Variants in PTPN1 observed in about 807,000 individuals in gnomAD.
PTPN1 encodes the protein protein tyrosine phosphatase non-receptor type 1, also known as tyrosine-protein phosphatase non-receptor type 1.
Under a neutral mutation model 59.9 loss-of-function variants are expected in PTPN1, and 12 were observed. The ratio of observed to expected loss-of-function variants is 0.20; its 90% CI spans 0.13 to 0.32. PTPN1 has a LOEUF of 0.32. Ranked by LOEUF, PTPN1 falls within the 10% of genes least tolerant of loss-of-function variation. The probability of loss-of-function intolerance (pLI) is 1.00; values close to 1 mark genes in which losing one functional copy is unlikely to be tolerated. For synonymous variants in PTPN1, 178 were observed against 203.6 expected, an observed-to-expected ratio of 0.87 and a Z score of 1.07; for missense variants, 356 against 549.2, an observed-to-expected ratio of 0.65 and a Z score of 3.52.
intron 1 of PTPN1, among the ~76,000 whole-genome samples, chr20:50,539,039 T>TC (rs2082636763): frequency 6.8e-6 from 1 of 146,650 alleles, no homozygotes; most frequent in Admixed American, 6.8e-5. Flanking sequence ...TTTTTTTTTT[T>TC]TTTTTTTTTT....
rs1242137245 is a variant in PTPN1 at position 50,579,196 on chromosome 20, T to C, written c.731T>C (p.Val244Ala). 6.2e-7 allele frequency: 1 copy of C among 1,614,264 alleles called. No homozygotes were observed. The highest frequency in any genetic ancestry group is 8.5e-7 in the Non-Finnish European group (1 of 1,180,048). ...LMDKRKDPSS[V>A]DIKKVLLEMR... ...GACAAGAGGAAAGACCCTTCTTCCG[T>C]TGATATCAAGAAAGTGCTGTTAGAA... Residue 244 changes from valine to alanine, a missense_variant, in exon 7 of 10, where the codon GTT becomes GCT. Val to Ala is a moderately conservative substitution (Grantham distance 64, BLOSUM62 0). Transcript: ENST00000371621.
chr20:50,561,681 C>A (rs943667451), intron 2 of PTPN1, among the ~76,000 whole-genome samples: 4 of 152,180 alleles, frequency 2.6e-5, no homozygotes, highest in Non-Finnish European at 5.9e-5. Context: ...CAGTGAAGTT[C>A]AAAGCACTTT....
intron 1 of PTPN1, among the ~76,000 whole-genome samples, chr20:50,538,000 GA>G (rs1388621524): frequency 6.6e-6 from 1 of 152,142 alleles, no homozygotes; most frequent in African/African-American, 2.4e-5. Flanking sequence ...ATCTTGAGTG[GA>G]TGTTGTTCTC....
At chr20:50,579,467 A>T in intron 7 of PTPN1, 138 bp downstream of exon 7, 4 of 1,143,084 alleles carry the variant, frequency 3.5e-6, no homozygotes, top group Non-Finnish European at 5.0e-6. Flanking sequence ...AATAGCTAGA[A>T]AGTTGTCAAA....
chr20:50,553,703 A>G (rs1371623071), intron 1 of PTPN1, among the ~76,000 whole-genome samples: 2 of 152,244 alleles, frequency 1.3e-5, no homozygotes, highest in African/African-American at 4.8e-5. Context: ...CAGAAATGAC[A>G]GATGATAAAT....
Position 50,579,915 on chromosome 20 carries a change from C to T in PTPN1, c.1077C>T (p.Tyr359=), listed in dbSNP as rs200012123. Reference sequence around the variant, plus strand: ...GAAGCCCCTTAAATGCCGCACCCTACGGCATCGAAAGGTAATATGATTGGG... The same window carrying T: ...GAAGCCCCTTAAATGCCGCACCCTATGGCATCGAAAGGTAATATGATTGGG... ...EKGSPLNAAP[Y]GIESMSQDTE... Residue 359 remains tyrosine, a synonymous_variant, in exon 8 of 10, where the codon TAC becomes TAT. Transcript: ENST00000371621. The T allele has an allele frequency of 3.2e-5, 51 of 1,613,650 alleles. No individual in the cohort carries two copies. The highest frequency in any genetic ancestry group is 3.3e-4 in the Middle Eastern group (2 of 6,052).
chr20:50,580,668 T>G (rs116394189), intron 8 of PTPN1, among the ~76,000 whole-genome samples: 245 of 152,258 alleles, frequency 1.6e-3, no homozygotes, highest in African/African-American at 5.7e-3. Flanking sequence ...TTTTAAGACG[T>G]GTGCATACTT....
At chr20:50,569,001 T>A (rs538679412) in intron 4 of PTPN1, among the ~76,000 whole-genome samples, 1 of 152,268 alleles carries the variant, frequency 6.6e-6, no homozygotes, top group South Asian at 2.1e-4. Flanking sequence ...TCATTCTAAG[T>A]TCCTGCAACT....
intron 2 of PTPN1, among the ~76,000 whole-genome samples, chr20:50,562,084 G>A (rs2082755396): frequency 1.3e-5 from 2 of 152,242 alleles, no homozygotes; most frequent in South Asian, 4.1e-4. Flanking sequence ...TTTGCATAAA[G>A]TAAGGAAAAC....
intron 8 of PTPN1, among the ~76,000 whole-genome samples, chr20:50,580,721 C>T (rs2082863523): frequency 6.6e-6 from 1 of 152,186 alleles, no homozygotes; most frequent in Non-Finnish European, 1.5e-5. Context: ...TTTGCAGCAA[C>T]TCTCAAAACA....
At chr20:50,548,295 A>G (rs931914278) in intron 1 of PTPN1, among the ~76,000 whole-genome samples, 6 of 152,046 alleles carry the variant, frequency 3.9e-5, no homozygotes, top group African/African-American at 1.4e-4. Flanking sequence ...ATTTATTTCC[A>G]GGATTTCTCA....
intron 1 of PTPN1, among the ~76,000 whole-genome samples, chr20:50,557,445 G>A (rs955167775): frequency 6.6e-6 from 1 of 152,058 alleles, no homozygotes. Context: ...CATTATTAAG[G>A]TGGATGATTT....
intron 1 of PTPN1, among the ~76,000 whole-genome samples, chr20:50,516,021 T>G (rs958660035): frequency 2.0e-4 from 30 of 152,334 alleles, no homozygotes; most frequent in African/African-American, 7.0e-4. Context: ...AAATTTGTGC[T>G]TGGCCTACGG....
Position 50,568,532 on chromosome 20 carries a change from GT to G in PTPN1, c.354+56del. 2 of 1,358,444 alleles carry G rather than the reference GT, an allele frequency of 1.5e-6. No individual in the cohort carries two copies. Among genetic ancestry groups the G allele is most frequent in the Non-Finnish European group, 2.1e-6 (2 of 951,506 alleles). 84.1% of individuals were successfully genotyped at this position (1,358,444 alleles called of 1,614,324 possible). ...GTGATCATGCATACCACTCCATATA[GT>G]TACCATTTTCGTCCAGATTTTTAAA... On this transcript the variant is annotated intron_variant, in intron 4 of 9. Transcript: ENST00000371621. This position sits in a 1 kb window ranked among gnomAD's most constrained non-coding sequence, Gnocchi z 5.6.
intron 7 of PTPN1, 86 bp from the exon 8 acceptor site, chr20:50,579,617 C>A: frequency 1.6e-6 from 2 of 1,224,344 alleles, no homozygotes; most frequent in Non-Finnish European, 1.2e-6. Flanking sequence ...CCTCGCCAAG[C>A]CGTCACCTCT....
chr20:50,536,311 G>A (rs899214732), intron 1 of PTPN1, among the ~76,000 whole-genome samples: 1 of 152,166 alleles, frequency 6.6e-6, no homozygotes, highest in African/African-American at 2.4e-5. Flanking sequence ...ATTTAAAAAT[G>A]TATTCCGTGA....
In PTPN1 at chr20:50,584,610, C is replaced by T. The variant is rs902975850; in HGVS notation, c.*1895C>T. ...ATACCTTTTCAGGTGTGTGTGGATA[C>T]GTGGCTGCATGACCGGGTGGGTGGG... On this transcript the variant is annotated 3_prime_UTR_variant, in exon 10 of 10. Transcript: ENST00000371621. The T allele has an allele frequency of 3.8e-5, 4 of 105,928 alleles. No homozygotes were observed. The highest frequency in any genetic ancestry group is 7.0e-5 in the Non-Finnish European group (4 of 57,532). The allele number at this position is 105,928 out of a possible 1,614,324, so 6.6% of individuals were successfully genotyped here.
intron 1 of PTPN1, among the ~76,000 whole-genome samples, chr20:50,522,665 A>G (rs185096244): frequency 6.6e-6 from 1 of 152,338 alleles, no homozygotes; most frequent in East Asian, 1.9e-4. Flanking sequence ...AGAACAAGCA[A>G]TAGATAAGGA....
chr20:50,580,992 A>G (rs553077696), intron 8 of PTPN1, among the ~76,000 whole-genome samples: 2 of 152,262 alleles, frequency 1.3e-5, no homozygotes, highest in East Asian at 3.9e-4. Flanking sequence ...CCTCACAGTG[A>G]CCAGTCGCCC....
Sources: gnomAD v4.1 joint callset for allele counts (sites outside exome capture counted in the v4.1 genomes callset) on GRCh38, gnomAD v4.1.1 for gene constraint, Gnocchi (gnomAD v3.1) non-coding constraint, MANE v1.5 for transcripts, NCBI Gene and HGNC (gene_info 2026-07-23, HGNC 2026-07-21) for gene names.